Variants in EOGT observed in about 807,000 individuals in gnomAD.
The protein encoded by EOGT is EGF domain-specific O-linked N-acetylglucosamine transferase.
Under a neutral mutation model 70.5 loss-of-function variants are expected in EOGT, and 55 were observed. That is an observed-to-expected ratio of 0.78 (90% confidence interval 0.63 to 0.98). The LOEUF (loss-of-function observed/expected upper bound fraction) is 0.98, where lower values mean the gene tolerates loss of function less well. EOGT is among the 50% of genes least tolerant of loss of function. EOGT has a pLI of 0.00. For missense variants in EOGT, 703 were observed against 641.9 expected (o/e 1.10, Z -1.03); for synonymous variants, 246 against 217.1 (o/e 1.13, Z -1.17).
intron 10 of EOGT, among the ~76,000 whole-genome samples, chr3:68,990,622 G>A (rs1202931821): frequency 1.3e-5 from 2 of 152,092 alleles, no homozygotes; most frequent in African/African-American, 2.4e-5. Flanking sequence ...CTAAAGTGCT[G>A]AGATTACAGA....
chr3:69,004,409 C>T lies in EOGT; in HGVS notation c.589G>A (p.Glu197Lys), dbSNP rs1042505282. 6.2e-7 allele frequency: 1 copy of T among 1,614,086 alleles called. No homozygotes were observed. Among genetic ancestry groups the T allele is most frequent in the Non-Finnish European group, 8.5e-7 (1 of 1,179,944 alleles). Reference sequence around the variant, plus strand: ...TGCAGAGGGCTTTTGCGCTGACCTTCAGACGTCAATGTACGGATGTCAAGT... The same window carrying T: ...TGCAGAGGGCTTTTGCGCTGACCTTTAGACGTCAATGTACGGATGTCAAGT... Reference protein sequence around the residue: ...CKLDIRTLTSEGQRKSPLQSW... With the variant: ...CKLDIRTLTSKGQRKSPLQSW... The change falls in exon 8 of 18, where the codon GAA becomes AAA. Residue 197 changes from glutamate (E) to lysine (K), a missense_variant. Glu to Lys is a moderately conservative substitution (Grantham distance 56). Transcript: ENST00000383701.
intron 8 of EOGT, among the ~76,000 whole-genome samples, chr3:69,003,092 C>T (rs1470053429): frequency 6.6e-6 from 1 of 151,996 alleles, no homozygotes; most frequent in Non-Finnish European, 1.5e-5. Flanking sequence ...GGTGGTCGCC[C>T]TCCCCGTCCT....
rs956633633 is a variant in EOGT, at chr3:69,007,508, G to T, written c.420+205C>A. Among the ~76,000 whole-genome samples, 2 of 71,630 alleles carry T rather than the reference G, an allele frequency of 2.8e-5. 1 individual carries two copies. The highest frequency in any genetic ancestry group is 9.8e-5 in the African/African-American group (2 of 20,316). 47.0% of individuals were successfully genotyped at this position (71,630 alleles called of 152,430 possible). ...CTTTACTAAAAATATAAAAATTAGC[G>T]GGGGGGGGTGGCACGCGCCTGTAAT... On this transcript the variant is annotated intron_variant, in intron 6 of 17. Coordinates refer to ENST00000383701, the MANE Select transcript of EOGT (RefSeq NM_001278689.2).
intron 1 of EOGT, among the ~76,000 whole-genome samples, 167 bp from the exon 2 acceptor site, chr3:69,012,966 T>C (rs983781673): frequency 6.6e-6 from 1 of 151,758 alleles, no homozygotes; most frequent in Non-Finnish European, 1.5e-5. Flanking sequence ...AGACCCCGAA[T>C]GACACCTCAA....
At chr3:69,009,912 A>AAACAAC (rs142996799) in intron 3 of EOGT, 52 bp from the exon 4 acceptor site, 1 of 616,790 alleles carries the variant, frequency 1.6e-6, no homozygotes, top group Non-Finnish European at 2.6e-6. Context: ...TTAAAAGCCA[A>AAACAAC]AACAACAACA....
At chr3:69,009,198 C>T (rs113514669) in intron 4 of EOGT, among the ~76,000 whole-genome samples, 30 of 152,330 alleles carry the variant, frequency 2.0e-4, no homozygotes, top group African/African-American at 7.2e-4. Flanking sequence ...GCCTTTCCAA[C>T]TCCTCTAAAA....
rs899948839 is a variant in EOGT, at chr3:68,988,334, A to G, written c.1044T>C (p.His348=). The G allele has an allele frequency of 3.3e-6, 5 of 1,536,122 alleles. No homozygotes were observed. The highest frequency in any genetic ancestry group is 2.7e-5 in the African/African-American group (2 of 73,174). The change falls in exon 13 of 18, where the codon CAT becomes CAC. Residue 348 remains histidine, a synonymous_variant. Coordinates refer to ENST00000383701, the MANE Select transcript of EOGT (RefSeq NM_001278689.2). ...GTGTGATGTTTAGTCTGTGTAGTAC[A>G]TGCTGGGCAAATGCCCTGAATAGTC... The part of the protein sequence containing the change: ...NTGLFRAFAQ[H]VLHRLNITQE...
chr3:68,988,247 A>C, intron 13 of EOGT, 48 bp downstream of exon 13: 1 of 1,248,142 alleles, frequency 8.0e-7, no homozygotes, highest in Non-Finnish European at 1.1e-6. Context: ...GATTTTTATT[A>C]GGGAAGAAAA....
chr3:69,009,714 C>T lies in EOGT; in HGVS notation c.133G>A (p.Glu45Lys), dbSNP rs1376816363. Residue 45 changes from glutamate to lysine, a missense_variant, in exon 4 of 18, where the codon GAG becomes AAG. Transcript: ENST00000383701. ...YNYASIRLPE[E>K]HIPFFLHNNR... ...TTGTGCAAAAAGAAGGGAATGTGCTCCTCTGGCAAGCGGATGCTGGCATAG... is the reference window on the plus strand; with the variant it reads ...TTGTGCAAAAAGAAGGGAATGTGCTTCTCTGGCAAGCGGATGCTGGCATAG... The T allele has an allele frequency of 1.2e-6, 2 of 1,613,976 alleles. No individual in the cohort carries two copies. Among genetic ancestry groups the T allele is most frequent in the Admixed American group, 1.7e-5 (1 of 60,006 alleles).
At chr3:69,004,996 C>T (rs1429370103) in intron 7 of EOGT, 144 bp downstream of exon 7, 9 of 572,856 alleles carry the variant, frequency 1.6e-5, no homozygotes, top group Middle Eastern at 4.4e-4. Flanking sequence ...TGGGAGGTCA[C>T]AGCTGCACTG....
chr3:69,011,552 G>C (rs2091576748), intron 3 of EOGT, among the ~76,000 whole-genome samples: 2 of 141,728 alleles, frequency 1.4e-5, no homozygotes, highest in African/African-American at 2.6e-5. Context: ...TCGTGATCTC[G>C]CCACTGCACT....
chr3:68,986,199 G>T (rs10446389), intron 14 of EOGT, among the ~76,000 whole-genome samples: 62,003 of 152,074 alleles, frequency 0.41, 13,324 homozygotes, highest in Non-Finnish European at 0.48. Flanking sequence ...CTGGGCTCAC[G>T]TGGATGATCC....
chr3:69,006,182 G>C lies in EOGT; in HGVS notation c.421-948C>G, dbSNP rs370608311. ...AAGCCACCTTGAAAGAGGAGTGCAA[G>C]ATAGGGGTTGTCATTATTATCTTGC... is the stretch of plus-strand genomic sequence containing the variant. On this transcript the variant is annotated intron_variant, in intron 6 of 17. Transcript: ENST00000383701. Among the ~76,000 whole-genome samples, 12 of 152,320 alleles carry C rather than the reference G, an allele frequency of 7.9e-5. No homozygotes were observed. The East Asian group carries it at 2.1e-3, about 27-fold the overall frequency.
intron 6 of EOGT, among the ~76,000 whole-genome samples, chr3:69,006,276 C>T (rs928336799): frequency 6.6e-6 from 1 of 152,202 alleles, no homozygotes; most frequent in Admixed American, 6.5e-5. Flanking sequence ...TAAAGACACC[C>T]TGCGGCCGTG....
chr3:68,988,884 T>G (rs1180928489), intron 11 of EOGT, 41 bp downstream of exon 11: 8 of 1,132,854 alleles, frequency 7.1e-6, no homozygotes, highest in Non-Finnish European at 1.0e-5. Flanking sequence ...TCATCTGCAC[T>G]CAAGAAATAT....
intron 10 of EOGT, among the ~76,000 whole-genome samples, chr3:68,995,715 T>C (rs1559601894): frequency 6.6e-6 from 1 of 152,230 alleles, no homozygotes; most frequent in Non-Finnish European, 1.5e-5. Context: ...TTCTGTCATC[T>C]GATAAAATTC....
intron 7 of EOGT, 146 bp from the exon 8 acceptor site, chr3:69,004,628 A>G (rs1210827241): frequency 6.3e-6 from 4 of 634,130 alleles, no homozygotes; most frequent in Non-Finnish European, 1.1e-5. Flanking sequence ...TCAAGTGTAT[A>G]TGAAAGTAAC....
intron 3 of EOGT, among the ~76,000 whole-genome samples, chr3:69,010,768 T>A (rs553930034): frequency 6.6e-6 from 1 of 152,184 alleles, no homozygotes; most frequent in Admixed American, 6.5e-5. Context: ...AAAGTATCTG[T>A]GAGAGAGCAA....
intron 14 of EOGT, 127 bp from the exon 15 acceptor site, chr3:68,982,999 A>C: frequency 1.7e-6 from 1 of 583,396 alleles, no homozygotes; most frequent in Non-Finnish European, 3.0e-6. Context: ...TGGTAACAAC[A>C]ACAACAAATA....
Sources: allele counts gnomAD v4.1 joint callset (sites outside exome capture counted in the v4.1 genomes callset), GRCh38; gene constraint gnomAD v4.1.1; transcripts MANE v1.5; gene names NCBI Gene and HGNC (gene_info 2026-07-23, HGNC 2026-07-21).